Variants in VPS26B observed in about 807,000 individuals in gnomAD.
The protein encoded by VPS26B is vacuolar protein sorting-associated protein 26B.
VPS26B carries 10 observed loss-of-function variants against 33.3 expected under a neutral mutation model. The observed-to-expected ratio is 0.30, with a 90% CI of 0.19 to 0.51. The LOEUF (loss-of-function observed/expected upper bound fraction) is 0.51, where lower values mean the gene tolerates loss of function less well. Among genes scored for constraint, VPS26B ranks in the 20% least tolerant of loss-of-function variants. The pLI, the probability that VPS26B is intolerant of heterozygous loss-of-function variation, is 0.98. For synonymous variants in VPS26B, 190 were observed against 176.9 expected (o/e 1.07, Z -0.59); for missense variants, 317 against 452.7 (o/e 0.70, Z 2.72).
In VPS26B at chr11:134,246,497, T is replaced by A. The variant is rs1197986205; in HGVS notation, c.*907T>A. 6.6e-6 allele frequency: 1 copy of A among 152,316 alleles called. No individual in the cohort carries two copies. Among genetic ancestry groups the A allele is most frequent in the South Asian group, 2.1e-4 (1 of 4,820 alleles). 9.4% of individuals were successfully genotyped at this position (152,316 alleles called of 1,614,324 possible). A position where few individuals can be genotyped will look rare whatever the true frequency, so the allele number is the denominator to read the frequency against. On this transcript the variant is annotated 3_prime_UTR_variant, in exon 6 of 6. Transcript: ENST00000281187. Reference sequence around the variant, plus strand: ...CTTGATCCCTCCGCCTTGCTGAGAGTGAACCCTCGTCTCTCCTCACCCTCC... The same window carrying A: ...CTTGATCCCTCCGCCTTGCTGAGAGAGAACCCTCGTCTCTCCTCACCCTCC...
intron 1 of VPS26B, 141 bp downstream of exon 1, chr11:134,225,486 C>G: frequency 2.4e-6 from 2 of 844,868 alleles, no homozygotes; most frequent in Non-Finnish European, 3.8e-6. Flanking sequence ...AGCTACAAGT[C>G]CCGCCCGTGG....
At chr11:134,226,000 T>C (rs996158327) in intron 1 of VPS26B, among the ~76,000 whole-genome samples, 1 of 152,220 alleles carries the variant, frequency 6.6e-6, no homozygotes, top group Non-Finnish European at 1.5e-5. Context: ...AGAATGCAAG[T>C]TTTCAGTTAC....
chr11:134,234,313 A>C (rs2136048533), intron 1 of VPS26B, among the ~76,000 whole-genome samples: 1 of 152,312 alleles, frequency 6.6e-6, no homozygotes, highest in South Asian at 2.1e-4. Context: ...CTTCACACAG[A>C]GCCTTGTGAA....
chr11:134,242,224 A>T (rs1474004070), intron 3 of VPS26B, among the ~76,000 whole-genome samples: 1 of 152,184 alleles, frequency 6.6e-6, no homozygotes, highest in Non-Finnish European at 1.5e-5. Context: ...AGGTGTCTGC[A>T]GTCTTCCTGT....
rs548895952 is a variant in VPS26B at position 134,243,397 on chromosome 11, C to T, written c.721+103C>T. The T allele has an allele frequency of 2.2e-5, 30 of 1,347,138 alleles. No individual in the cohort carries two copies. The African/African-American group carries it at 3.8e-4, about 17-fold the overall frequency. 83.4% of individuals were successfully genotyped at this position (1,347,138 alleles called of 1,614,324 possible). A position where few individuals can be genotyped will look rare whatever the true frequency, so the allele number is the denominator to read the frequency against. On this transcript the variant is annotated intron_variant, in intron 4 of 5. Coordinates refer to ENST00000281187, the MANE Select transcript of VPS26B (RefSeq NM_052875.5). The stretch of plus-strand genomic sequence containing the variant: ...GATTACACTGTCAAAATAAGATGTC[C>T]TCTTAACCTGTAACTTCTTAATCTC...
Position 134,240,718 on chromosome 11 carries a change from C to G in VPS26B, c.545+563C>G, listed in dbSNP as rs991578938. On this transcript the variant is annotated intron_variant, in intron 3 of 5. Coordinates refer to ENST00000281187, the MANE Select transcript of VPS26B (RefSeq NM_052875.5). This position sits in a 1 kb window ranked among gnomAD's most constrained non-coding sequence, Gnocchi z 4.4. The stretch of plus-strand genomic sequence containing the variant: ...ACTCAAGCATTTCTCTCACCTCCGC[C>G]CCTACAAGTAGCTAGGAGCACAGGC... 6.6e-6 allele frequency among the ~76,000 whole-genome samples: 1 copy of G among 151,988 alleles called. No individual in the cohort carries two copies. The highest frequency in any genetic ancestry group is 1.5e-5 in the Non-Finnish European group (1 of 68,018).
At position 134,243,208 on chromosome 11, in the gene VPS26B, G is replaced by A. The variant is rs1182833830; in HGVS notation, c.635G>A (p.Arg212Gln). The A allele has an allele frequency of 4.3e-6, 7 of 1,614,128 alleles. No homozygotes were observed. The highest frequency in any genetic ancestry group is 5.1e-6 in the Non-Finnish European group (6 of 1,180,008). Residue 212 changes from arginine to glutamine, a missense_variant, in exon 4 of 6, where the codon CGA (arginine) becomes CAA (glutamine). By Grantham distance (43) the Arg-to-Gln change is conservative. Transcript: ENST00000281187. Reference protein sequence around the residue: ...IKHMEIDIIKRETTGTGPNVY... With the variant: ...IKHMEIDIIKQETTGTGPNVY... ...CACATGGAGATAGACATCATCAAGCGAGAAACGACGGGTACAGGCCCCAAC... is the reference window on the plus strand; with the variant it reads ...CACATGGAGATAGACATCATCAAGCAAGAAACGACGGGTACAGGCCCCAAC...
At chr11:134,241,003 G>A (rs976960038) in intron 3 of VPS26B, among the ~76,000 whole-genome samples, 2 of 152,130 alleles carry the variant, frequency 1.3e-5, no homozygotes, top group African/African-American at 4.8e-5. Flanking sequence ...TTGGGAAGAT[G>A]TATATCTTTT....
chr11:134,236,571 A>G (rs1036117230), intron 2 of VPS26B: 5 of 152,258 alleles, frequency 3.3e-5, no homozygotes, highest in Non-Finnish European at 5.9e-5. Flanking sequence ...AGTGTCCATC[A>G]GTGGGTAAAT....
Position 134,225,141 on chromosome 11 carries a change from G to C in VPS26B, c.19G>C (p.Gly7Arg). Residue 7 changes from glycine to arginine, a missense_variant, in exon 1 of 6, where the codon GGG (glycine) becomes CGG (arginine). By Grantham distance (125) the Gly-to-Arg change is moderately radical. Coordinates refer to ENST00000281187, the MANE Select transcript of VPS26B (RefSeq NM_052875.5). ...CGGTGCGATGAGCTTCTTCGGCTTC[G>C]GGCAGAGCGTGGAGGTGGAAATCCT... MSFFGFGQSVEVEILLN... is the reference protein window; with the variant it reads MSFFGFRQSVEVEILLN... The C allele has an allele frequency of 6.2e-7, 1 of 1,609,984 alleles. No individual in the cohort carries two copies. The highest frequency in any genetic ancestry group is 8.5e-7 in the Non-Finnish European group (1 of 1,177,360).
At chr11:134,225,600 G>T in intron 1 of VPS26B, 1 of 517,866 alleles carries the variant, frequency 1.9e-6, no homozygotes, top group Non-Finnish European at 3.5e-6. Flanking sequence ...GTGCCTCGTG[G>T]GATGGGCACC....
chr11:134,225,577 G>A, intron 1 of VPS26B: 1 of 546,082 alleles, frequency 1.8e-6, no homozygotes, highest in Non-Finnish European at 3.3e-6. Context: ...AGGGCGGGAG[G>A]AAGCGCCCTG....
intron 3 of VPS26B, 121 bp from the exon 4 acceptor site, chr11:134,242,998 G>T: frequency 2.2e-6 from 2 of 902,230 alleles, no homozygotes; most frequent in East Asian, 2.5e-5. Flanking sequence ...AGTGATGGGT[G>T]AGTGTGTCCT....
chr11:134,225,466 C>A, intron 1 of VPS26B, 121 bp downstream of exon 1: 3 of 1,004,296 alleles, frequency 3.0e-6, no homozygotes, highest in South Asian at 1.4e-5. Context: ...CAGTCTGAGG[C>A]CTGGGGTTCA....
intron 1 of VPS26B, among the ~76,000 whole-genome samples, chr11:134,228,251 G>A (rs956281709): frequency 2.6e-5 from 4 of 151,006 alleles, no homozygotes; most frequent in African/African-American, 4.9e-5. Context: ...CTATTTGGAA[G>A]TCTATTTGGA....
chr11:134,234,818 A>G, intron 1 of VPS26B, 79 bp from the exon 2 acceptor site: 3 of 1,545,694 alleles, frequency 1.9e-6, no homozygotes, highest in Non-Finnish European at 2.6e-6. Flanking sequence ...CCTCCAGCCT[A>G]CAGCCTCCAG....
rs1938804288 is a variant in VPS26B at position 134,245,704 on chromosome 11, C to G, written c.*114C>G. 1 of 1,318,628 alleles carries G rather than the reference C, an allele frequency of 7.6e-7. No homozygotes were observed. The highest frequency in any genetic ancestry group is 1.5e-5 in the African/African-American group (1 of 67,406). The allele number at this position is 1,318,628 out of a possible 1,614,324, so 81.7% of individuals were successfully genotyped here. On this transcript the variant is annotated 3_prime_UTR_variant, in exon 6 of 6. Transcript: ENST00000281187. This position sits in a 1 kb window ranked among gnomAD's most constrained non-coding sequence, Gnocchi z 4.7. ...GCTCAGTTGACCCGTTACTTGCAACCTGAAAACAAATCATGTTTTTGACTT... is the reference window on the plus strand; with the variant it reads ...GCTCAGTTGACCCGTTACTTGCAACGTGAAAACAAATCATGTTTTTGACTT...
rs956847287 is a variant in VPS26B at position 134,225,073 on chromosome 11, C to G, written c.-50C>G. On this transcript the variant is annotated 5_prime_UTR_variant, in exon 1 of 6. Transcript: ENST00000281187. ...TTCTTTACCTAGGGCAGCCCGCGCC[C>G]CGGTGCGAGGGAGCGGTCCTTACCG... 6.5e-7 allele frequency: 1 copy of G among 1,530,094 alleles called. No homozygotes were observed. Among genetic ancestry groups the G allele is most frequent in the Non-Finnish European group, 8.8e-7 (1 of 1,131,768 alleles). 94.8% of individuals were successfully genotyped at this position (1,530,094 alleles called of 1,614,324 possible).
chr11:134,245,284 C>T lies in VPS26B; in HGVS notation c.865-160C>T, dbSNP rs888160141. On this transcript the variant is annotated intron_variant, in intron 5 of 5. Transcript: ENST00000281187. This position sits in a 1 kb window ranked among gnomAD's most constrained non-coding sequence, Gnocchi z 4.7. The stretch of plus-strand genomic sequence containing the variant: ...TGCAACCACCTGCCCTTTTGGCCCA[C>T]ACCAGGGACAGGGAGGTGCTGGCAG... Among the ~76,000 whole-genome samples the T allele has an allele frequency of 3.9e-5, 6 of 152,204 alleles. No individual in the cohort carries two copies. The highest frequency in any genetic ancestry group is 1.4e-4 in the African/African-American group (6 of 41,452).
Sources: allele counts gnomAD v4.1 joint callset (sites outside exome capture counted in the v4.1 genomes callset), GRCh38; gene constraint gnomAD v4.1.1; non-coding constraint Gnocchi (gnomAD v3.1); transcripts MANE v1.5; gene names NCBI Gene and HGNC (gene_info 2026-07-23, HGNC 2026-07-21).